The following RGS6 variants were observed in gnomAD, a reference collection of about 807,000 sequenced individuals.
The protein encoded by RGS6 is regulator of G protein signaling 6.
In RGS6, 30 loss-of-function variants were observed where a neutral mutation model predicts 78.5. The observed-to-expected ratio is 0.38, with a 90% CI of 0.29 to 0.52. The LOEUF is 0.52. RGS6 is among the 20% of genes least tolerant of loss of function. The pLI, the probability that RGS6 is intolerant of heterozygous loss-of-function variation, is 0.85. For synonymous variants in RGS6, 206 were observed against 206.0 expected, an observed-to-expected ratio of 1.00 and a Z score of 0.00; for missense variants, 495 against 609.7, an observed-to-expected ratio of 0.81 and a Z score of 1.98.
At chr14:72,325,447 G>A (rs2073463693) in intron 2 of RGS6, among the ~76,000 whole-genome samples, 2 of 152,116 alleles carry the variant, frequency 1.3e-5, no homozygotes, top group South Asian at 2.1e-4. Flanking sequence ...GTCCTGAATG[G>A]TATTGCCTAG....
At chr14:72,284,355 A>C (rs1488003366) in intron 2 of RGS6, among the ~76,000 whole-genome samples, 1 of 103,732 alleles carries the variant, frequency 9.6e-6, no homozygotes, top group East Asian at 2.8e-4. Flanking sequence ...AGGAGGAAAA[A>C]ATGGCCCCCC....
chr14:72,252,256 AG>A (rs11301567), intron 2 of RGS6, among the ~76,000 whole-genome samples: 150,443 of 152,380 alleles, frequency 0.99, 74,274 homozygotes, highest in East Asian at 1. Flanking sequence ...TTGACAGAAA[AG>A]GTTTTCAAAA....
At chr14:72,004,866 G>A (rs1171389318) in intron 2 of RGS6, among the ~76,000 whole-genome samples, 2 of 152,062 alleles carry the variant, frequency 1.3e-5, no homozygotes, top group African/African-American at 2.4e-5. Context: ...ATAAAAGAAG[G>A]CATTCTGATC....
intron 1 of RGS6, among the ~76,000 whole-genome samples, chr14:71,947,807 T>TG (rs2091756011): frequency 6.6e-6 from 1 of 152,208 alleles, no homozygotes; most frequent in African/African-American, 2.4e-5. Flanking sequence ...AATTCTTGGT[T>TG]GGGGGAGTTT....
chr14:72,313,236 A>G (rs2069110348), intron 2 of RGS6, among the ~76,000 whole-genome samples: 2 of 152,222 alleles, frequency 1.3e-5, no homozygotes, highest in South Asian at 4.1e-4. Flanking sequence ...TTCTGGGCCC[A>G]GTGCAAAATG....
intron 2 of RGS6, among the ~76,000 whole-genome samples, chr14:72,315,420 C>T (rs527662952): frequency 1.6e-4 from 25 of 152,184 alleles, no homozygotes; most frequent in Non-Finnish European, 3.7e-4. Flanking sequence ...TATATAGCAC[C>T]TGCTACATGT....
At chr14:72,043,609 C>G (rs929596946) in intron 2 of RGS6, among the ~76,000 whole-genome samples, 7 of 152,188 alleles carry the variant, frequency 4.6e-5, no homozygotes, top group Admixed American at 4.6e-4. Flanking sequence ...CTGCAACTTT[C>G]ATCCTCTATA....
At chr14:72,352,793 G>A (rs149097140) in intron 3 of RGS6, among the ~76,000 whole-genome samples, 64 of 152,110 alleles carry the variant, frequency 4.2e-4, no homozygotes, top group African/African-American at 1.5e-3. Context: ...GCCCCCTTGG[G>A]TACCTACTGT....
intron 2 of RGS6, among the ~76,000 whole-genome samples, chr14:72,217,691 A>C (rs1017296241): frequency 6.6e-6 from 1 of 152,190 alleles, no homozygotes; most frequent in Non-Finnish European, 1.5e-5. Context: ...ACTAGCAACA[A>C]TACTGGTGAG....
the RGS6 span, among the ~76,000 whole-genome samples, chr14:71,883,708 G>A: frequency 1.3e-5 from 2 of 152,190 alleles, no homozygotes; most frequent in African/African-American, 4.8e-5. Flanking sequence ...CTGAAACAAA[G>A]ATGGCAACAA....
At chr14:72,114,692 G>C (rs2095848185) in intron 2 of RGS6, among the ~76,000 whole-genome samples, 1 of 152,182 alleles carries the variant, frequency 6.6e-6, no homozygotes, top group Non-Finnish European at 1.5e-5. Flanking sequence ...TTAATGCACA[G>C]AATCAGAGTT....
chr14:72,446,102 T>A (rs2095356617), intron 3 of RGS6, among the ~76,000 whole-genome samples: 1 of 152,060 alleles, frequency 6.6e-6, no homozygotes, highest in African/African-American at 2.4e-5. Context: ...CTACAAAAAA[T>A]TTAAAAATTA....
intron 2 of RGS6, among the ~76,000 whole-genome samples, chr14:72,286,862 C>A (rs1052377011): frequency 6.6e-6 from 1 of 151,984 alleles, no homozygotes; most frequent in African/African-American, 2.4e-5. Flanking sequence ...CGGCTCACTG[C>A]AATCTCCACC....
intron 3 of RGS6, among the ~76,000 whole-genome samples, chr14:72,417,302 C>G (rs1025754023): frequency 6.6e-6 from 1 of 152,222 alleles, no homozygotes; most frequent in Non-Finnish European, 1.5e-5. Context: ...ACTGCCCCCC[C>G]ACCAAGTCAG....
At chr14:72,130,776 T>A (rs2096296812) in intron 2 of RGS6, among the ~76,000 whole-genome samples, 1 of 152,210 alleles carries the variant, frequency 6.6e-6, no homozygotes, top group Admixed American at 6.5e-5. Flanking sequence ...CCCTACATGT[T>A]TATCCCACTT....
intron 1 of RGS6, among the ~76,000 whole-genome samples, chr14:71,936,030 A>ATATATATATATATATATATG (rs1555390437): frequency 9.1e-4 from 121 of 133,198 alleles, no homozygotes; most frequent in African/African-American, 3.0e-3. Context: ...ATATATATAT[A>ATATATATATATATATATATG]TATATATATA....
chr14:72,105,824 G>GGA (rs1201769796), intron 2 of RGS6, among the ~76,000 whole-genome samples: 1 of 152,212 alleles, frequency 6.6e-6, no homozygotes, highest in Non-Finnish European at 1.5e-5. Flanking sequence ...TGGTAGAAGA[G>GGA]GAGGTAGAGT....
chr14:72,237,237 A>T (rs699361), intron 2 of RGS6, among the ~76,000 whole-genome samples: 50,452 of 151,764 alleles, frequency 0.33, 9,182 homozygotes, highest in South Asian at 0.46. Context: ...CACAATTTTT[A>T]AATCTATTTA....
chr14:72,053,569 A>G lies in RGS6; in HGVS notation c.84+88694A>G, dbSNP rs138687010. ...CTTGGAAATCTGCATTTTATTTAGC[A>G]TAATGTCCTGGGGGCTTGGGGGCTC... On this transcript the variant is annotated intron_variant, in intron 2 of 17. Transcript: ENST00000553525. Among the ~76,000 whole-genome samples the G allele has an allele frequency of 1.7e-4, 26 of 152,308 alleles. 4 individuals carry two copies. Among genetic ancestry groups the G allele is most frequent in the African/African-American group, 6.0e-4 (25 of 41,592 alleles).
Sources: allele counts gnomAD v4.1 joint callset (sites outside exome capture counted in the v4.1 genomes callset), GRCh38; gene constraint gnomAD v4.1.1; transcripts MANE v1.5; gene names NCBI Gene and HGNC (gene_info 2026-07-23, HGNC 2026-07-21).